The following TNKS variants were observed in gnomAD, a reference collection of about 807,000 sequenced individuals.
TNKS encodes the protein poly [ADP-ribose] polymerase tankyrase-1.
TNKS carries 72 observed loss-of-function variants against 135.8 expected under a neutral mutation model. That is an observed-to-expected ratio of 0.53 (90% CI 0.44 to 0.64). The LOEUF is 0.64. Among genes scored for constraint, TNKS ranks in the 30% least tolerant of loss-of-function variants. The probability of loss-of-function intolerance (pLI) is 0.00; values close to 1 mark genes in which losing one functional copy is unlikely to be tolerated. For synonymous variants in TNKS, 849 were observed against 649.3 expected (o/e 1.31, Z -4.68); for missense variants, 1,769 against 1,674.0 (o/e 1.06, Z -0.99).
intron 3 of TNKS, among the ~76,000 whole-genome samples, chr8:9,666,135 C>T (rs1200024836): frequency 1.3e-5 from 2 of 152,166 alleles, no homozygotes; most frequent in Non-Finnish European, 2.9e-5. Context: ...TTGTAAGCTT[C>T]CAGCTCATGA....
At chr8:9,631,689 C>G (rs1466891127) in intron 3 of TNKS, among the ~76,000 whole-genome samples, 1 of 149,874 alleles carries the variant, frequency 6.7e-6, no homozygotes, top group Non-Finnish European at 1.5e-5. Flanking sequence ...CTTTTTTTGA[C>G]TTTCCATCTT....
chr8:9,697,576 T>A (rs968635613), intron 5 of TNKS, among the ~76,000 whole-genome samples: 4 of 152,024 alleles, frequency 2.6e-5, no homozygotes, highest in Non-Finnish European at 5.9e-5. Flanking sequence ...CCAGGATCTA[T>A]AAGGAACTTA....
intron 1 of TNKS, among the ~76,000 whole-genome samples, chr8:9,568,435 ATTTT>A (rs1797632446): frequency 6.6e-6 from 1 of 152,182 alleles, no homozygotes; most frequent in African/African-American, 2.4e-5. Flanking sequence ...AATTGAAATA[ATTTT>A]TGTTTATGTG....
chr8:9,610,294 C>T (rs1209913336), intron 2 of TNKS, among the ~76,000 whole-genome samples: 2 of 136,478 alleles, frequency 1.5e-5, no homozygotes, highest in African/African-American at 5.6e-5. Context: ...TTTAAAAAAT[C>T]TATAATATAT....
At chr8:9,668,366 C>G (rs1802101598) in intron 3 of TNKS, among the ~76,000 whole-genome samples, 2 of 152,160 alleles carry the variant, frequency 1.3e-5, no homozygotes. Flanking sequence ...ATACATTGCA[C>G]ATTTGAACAT....
chr8:9,717,103 T>TATATATATATATATATATAGATTTA (rs1554476739), intron 11 of TNKS, among the ~76,000 whole-genome samples: 1 of 39,332 alleles, frequency 2.5e-5, no homozygotes, highest in Non-Finnish European at 5.8e-5. Context: ...ATATATATAT[T>TATATATATATATATATATAGATTTA]TTCAGGGAAT....
At chr8:9,694,275 A>T (rs192099701) in intron 5 of TNKS, among the ~76,000 whole-genome samples, 1,720 of 152,170 alleles carry the variant, frequency 0.011, 30 homozygotes, top group Non-Finnish European at 0.011. Flanking sequence ...TCTTTTTTTT[A>T]AAAAATACCC....
intron 3 of TNKS, among the ~76,000 whole-genome samples, chr8:9,617,691 T>C (rs1482875368): frequency 6.6e-6 from 1 of 152,156 alleles, no homozygotes; most frequent in African/African-American, 2.4e-5. Flanking sequence ...GATTAAACAT[T>C]AATTTTTTTA....
At chr8:9,679,674 A>ATCG (rs1802690277) in intron 3 of TNKS, 1 of 369,892 alleles carries the variant, frequency 2.7e-6, no homozygotes, top group Non-Finnish European at 5.0e-6. Context: ...ATCAGAGGGA[A>ATCG]TGTGTTTCTG....
intron 22 of TNKS, among the ~76,000 whole-genome samples, 187 bp from the exon 23 acceptor site, chr8:9,764,529 A>T (rs1173498395): frequency 6.6e-6 from 1 of 152,192 alleles, no homozygotes; most frequent in Non-Finnish European, 1.5e-5. Flanking sequence ...TTAAAAGTAA[A>T]TAGAAAGTGC....
intron 2 of TNKS, among the ~76,000 whole-genome samples, chr8:9,582,864 T>G (rs1039611656): frequency 6.6e-6 from 1 of 152,134 alleles, no homozygotes; most frequent in Non-Finnish European, 1.5e-5. Context: ...TTGTTGACAT[T>G]TCTTAAAAAT....
chr8:9,601,317 T>C (rs1370158394), intron 2 of TNKS, among the ~76,000 whole-genome samples: 1 of 152,192 alleles, frequency 6.6e-6, no homozygotes, highest in Admixed American at 6.5e-5. Context: ...TTAACACGTG[T>C]TAAAACTTTG....
intron 3 of TNKS, among the ~76,000 whole-genome samples, chr8:9,672,704 ACACAC>A (rs1326327115): frequency 2.7e-4 from 34 of 125,474 alleles, no homozygotes; most frequent in African/African-American, 9.6e-4. Flanking sequence ...ACACACACAC[ACACAC>A]ACAAAAAAAA....
At chr8:9,562,110 C>G (rs1308796972) in intron 1 of TNKS, among the ~76,000 whole-genome samples, 1 of 152,240 alleles carries the variant, frequency 6.6e-6, no homozygotes, top group African/African-American at 2.4e-5. Context: ...ACCCACCACG[C>G]CTGGCCTTAT....
At chr8:9,589,200 G>A (rs879944563) in intron 2 of TNKS, among the ~76,000 whole-genome samples, 8 of 152,174 alleles carry the variant, frequency 5.3e-5, no homozygotes, top group Non-Finnish European at 1.2e-4. Flanking sequence ...TTGAATAAAT[G>A]TAATCAGAAA....
rs62489363 is a variant in TNKS, at chr8:9,727,034, A to G, written c.2001+314A>G. Among the ~76,000 whole-genome samples the G allele has an allele frequency of 6.7e-3, 1,014 of 152,314 alleles. 3 individuals are homozygous for G. Among genetic ancestry groups the G allele is most frequent in the Middle Eastern group, 0.014 (4 of 294 alleles). ...TGAAAGCTCTTTTAATTTCACTTAT[A>G]TTAATTACAGTGTTACTATTTTTGG... On this transcript the variant is annotated intron_variant, in intron 13 of 26. Coordinates refer to ENST00000310430, the MANE Select transcript of TNKS (RefSeq NM_003747.3).
chr8:9,765,256 G>A (rs992019683), intron 23 of TNKS, among the ~76,000 whole-genome samples: 8 of 152,048 alleles, frequency 5.3e-5, no homozygotes, highest in South Asian at 2.1e-4. Context: ...GTATCATAAA[G>A]ATGAATAAAA....
chr8:9,660,043 G>C (rs1431284001), intron 3 of TNKS, among the ~76,000 whole-genome samples: 1 of 152,166 alleles, frequency 6.6e-6, no homozygotes, highest in Non-Finnish European at 1.5e-5. Context: ...CCAGGAAGAA[G>C]TTGAATCTCT....
intron 2 of TNKS, among the ~76,000 whole-genome samples, chr8:9,582,956 G>A (rs1563094260): frequency 1.3e-5 from 2 of 151,978 alleles, no homozygotes. Context: ...CACGAGGTCA[G>A]GAGATCGAGA....
Sources: allele counts gnomAD v4.1 joint callset (sites outside exome capture counted in the v4.1 genomes callset), GRCh38; gene constraint gnomAD v4.1.1; transcripts MANE v1.5; gene names NCBI Gene and HGNC (gene_info 2026-07-23, HGNC 2026-07-21).